ZNF326: variants seen among roughly 807,000 people sequenced by gnomAD.
The protein encoded by ZNF326 is zinc finger protein 326.
ZNF326 carries 30 observed loss-of-function variants against 63.1 expected under a neutral mutation model. That is an observed-to-expected ratio of 0.48 (90% CI 0.36 to 0.64). The LOEUF is 0.64. ZNF326 is among the 30% of genes least tolerant of loss of function. The pLI is 0.00. For synonymous variants in ZNF326, 194 were observed against 228.2 expected, an observed-to-expected ratio of 0.85 and a Z score of 1.35; for missense variants, 609 against 720.3, an observed-to-expected ratio of 0.85 and a Z score of 1.77.
At chr1:90,006,257 A>G (rs908327759) in intron 4 of ZNF326, 3 of 983,366 alleles carry the variant, frequency 3.1e-6, no homozygotes, top group African/African-American at 3.5e-5. Context: ...TATGGTTACT[A>G]GGATTCAGAA....
Position 90,029,842 on chromosome 1 carries a change from T to A in ZNF326, c.*2141T>A, listed in dbSNP as rs917058351. On this transcript the variant is annotated 3_prime_UTR_variant, in exon 12 of 12. Transcript: ENST00000340281. ...AAGTGTATTTTGTTACTGTGCTTAA[T>A]TCAGAAATTCAAATTCATGTATTTC... 1 of 152,210 alleles carries A rather than the reference T, an allele frequency of 6.6e-6. No homozygotes were observed. The highest frequency in any genetic ancestry group is 6.5e-5 in the Admixed American group (1 of 15,290). The allele number at this position is 152,210 out of a possible 1,614,324, so 9.4% of individuals were successfully genotyped here.
intron 6 of ZNF326, among the ~76,000 whole-genome samples, chr1:90,010,830 A>G (rs1649200247): frequency 6.6e-6 from 1 of 152,158 alleles, no homozygotes; most frequent in African/African-American, 2.4e-5. Flanking sequence ...AAAATTTGAA[A>G]AAGGTTTAAA....
chr1:90,019,317 C>T (rs190975039), intron 9 of ZNF326, among the ~76,000 whole-genome samples: 115 of 152,248 alleles, frequency 7.6e-4, no homozygotes, highest in African/African-American at 2.5e-3. Flanking sequence ...GCATAACCCA[C>T]ACTATTCTCT....
rs561686355 is a variant in ZNF326, at chr1:90,020,574, A to G, written c.1175-218A>G. On this transcript the variant is annotated intron_variant, in intron 9 of 11. Coordinates refer to ENST00000340281, the MANE Select transcript of ZNF326 (RefSeq NM_182976.4). ...TGGTTGTTTAACATGATTAGGAACTATAATGTAATTGTACCTTAATAATTT... is the reference window on the plus strand; with the variant it reads ...TGGTTGTTTAACATGATTAGGAACTGTAATGTAATTGTACCTTAATAATTT... Among the ~76,000 whole-genome samples the G allele has an allele frequency of 9.9e-5, 15 of 152,246 alleles. 1 individual carries two copies. The highest frequency in any genetic ancestry group is 3.6e-4 in the African/African-American group (15 of 41,580).
Position 90,027,426 on chromosome 1 carries a change from A to G in ZNF326, c.1474A>G (p.Lys492Glu), listed in dbSNP as rs1422635780. 1 of 1,614,002 alleles carries G rather than the reference A, an allele frequency of 6.2e-7. No individual in the cohort carries two copies. Among genetic ancestry groups the G allele is most frequent in the South Asian group, 1.1e-5 (1 of 91,066 alleles). Residue 492 changes from lysine to glutamate, a missense_variant, in exon 12 of 12, where the codon AAG (lysine) becomes GAG (glutamate). Around this residue, in one of 3 missense-constraint regions of ZNF326, gnomAD observed 399 missense variants for 444.3 expected, o/e 0.90. Coordinates refer to ENST00000340281, the MANE Select transcript of ZNF326 (RefSeq NM_182976.4). ...QIEGDEEDEE[K>E]IDEPIEEEED... ...AGAAGGAGATGAGGAGGATGAAGAG[A>G]AGATTGATGAACCTATTGAAGAAGA...
At chr1:90,001,097 A>G (rs938935253) in intron 2 of ZNF326, among the ~76,000 whole-genome samples, 5 of 152,144 alleles carry the variant, frequency 3.3e-5, no homozygotes, top group African/African-American at 1.2e-4. Context: ...TGTCCTGTGC[A>G]TTGTGGAACA....
At position 90,013,211 on chromosome 1, in the gene ZNF326, C is replaced by A; in HGVS notation, c.900C>A (p.Asn300Lys). Residue 300 changes from asparagine to lysine, a missense_variant, in exon 7 of 12, where the codon AAC becomes AAA. Around this residue, in one of 3 missense-constraint regions of ZNF326, gnomAD observed 399 missense variants for 444.3 expected, o/e 0.90. Transcript: ENST00000340281. Reference protein sequence around the residue: ...REKQRRRREKNSEKYGDGYRM... With the variant: ...REKQRRRREKKSEKYGDGYRM... ...AACAAAGGCGCAGAAGAGAAAAAAACAGTGAGAAATACGGAGATGGATACA... is the reference window on the plus strand; with the variant it reads ...AACAAAGGCGCAGAAGAGAAAAAAAAAGTGAGAAATACGGAGATGGATACA... 1 of 1,608,818 alleles carries A rather than the reference C, an allele frequency of 6.2e-7. No individual in the cohort carries two copies. The highest frequency in any genetic ancestry group is 8.5e-7 in the Non-Finnish European group (1 of 1,177,446).
Position 90,022,410 on chromosome 1 carries a change from T to C in ZNF326, c.1401+65T>C. The C allele has an allele frequency of 2.5e-6, 3 of 1,176,624 alleles. No individual in the cohort carries two copies. In the South Asian group the frequency reaches 3.9e-5, roughly 15 times the overall value. The allele number at this position is 1,176,624 out of a possible 1,614,324, so 72.9% of individuals were successfully genotyped here. On this transcript the variant is annotated intron_variant, in intron 11 of 11. Coordinates refer to ENST00000340281, the MANE Select transcript of ZNF326 (RefSeq NM_182976.4). ...GTATTGCAATAATTAACTGGTGACA[T>C]AGTAACCTTTTGTGATACTTGAATA... is the stretch of plus-strand genomic sequence containing the variant.
At position 90,028,283 on chromosome 1, in the gene ZNF326, T is replaced by G. The variant is rs1650116890; in HGVS notation, c.*582T>G. 6.6e-6 allele frequency: 1 copy of G among 152,400 alleles called. No individual in the cohort carries two copies. Among genetic ancestry groups the G allele is most frequent in the African/African-American group, 2.4e-5 (1 of 41,456 alleles). The allele number at this position is 152,400 out of a possible 1,614,324, so 9.4% of individuals were successfully genotyped here. On this transcript the variant is annotated 3_prime_UTR_variant, in exon 12 of 12. Coordinates refer to ENST00000340281, the MANE Select transcript of ZNF326 (RefSeq NM_182976.4). ...CAGAGTTCATCAATGAAATGAGTAT[T>G]TAAAATAAAAATTTGCCTTAATGTA...
At position 90,033,885 on chromosome 1, in the gene ZNF326, A is replaced by T. The variant is rs1192693211; in HGVS notation, c.*6184A>T. The T allele has an allele frequency of 6.6e-6, 1 of 152,016 alleles. No individual in the cohort carries two copies. The highest frequency in any genetic ancestry group is 1.5e-5 in the Non-Finnish European group (1 of 67,970). 9.4% of individuals were successfully genotyped at this position (152,016 alleles called of 1,614,324 possible). On this transcript the variant is annotated 3_prime_UTR_variant, in exon 12 of 12. Coordinates refer to ENST00000340281, the MANE Select transcript of ZNF326 (RefSeq NM_182976.4). ...TAAATATTTTTGAATGTATGTATGTATGTTACAGTATAAATATATAGAGGA... is the reference window on the plus strand; with the variant it reads ...TAAATATTTTTGAATGTATGTATGTTTGTTACAGTATAAATATATAGAGGA...
At chr1:90,006,055 A>G in intron 4 of ZNF326, 1 of 985,470 alleles carries the variant, frequency 1.0e-6, no homozygotes, top group Non-Finnish European at 1.2e-6. Flanking sequence ...TGAAACAGTC[A>G]TCCTTCTGCA....
intron 9 of ZNF326, among the ~76,000 whole-genome samples, chr1:90,019,764 CCTA>C (rs1649675728): frequency 6.6e-6 from 1 of 152,086 alleles, no homozygotes; most frequent in Non-Finnish European, 1.5e-5. Context: ...CATCTAACTG[CCTA>C]CTGACATCTC....
chr1:90,018,884 G>T, intron 9 of ZNF326, 100 bp downstream of exon 9: 1 of 586,744 alleles, frequency 1.7e-6, no homozygotes, highest in Non-Finnish European at 2.8e-6. Context: ...ATATAGTACA[G>T]TCATATATAC....
intron 5 of ZNF326, among the ~76,000 whole-genome samples, chr1:90,008,322 T>C (rs963779839): frequency 2.0e-5 from 3 of 152,224 alleles, no homozygotes; most frequent in Non-Finnish European, 4.4e-5. Flanking sequence ...GTAATTTTGC[T>C]AACTCACGCT....
At chr1:90,006,221 G>A (rs61771689) in intron 4 of ZNF326, 137 of 985,112 alleles carry the variant, frequency 1.4e-4, no homozygotes, top group Non-Finnish European at 1.6e-4. Context: ...TTTGAAAAAT[G>A]TAGTTGGAAA....
At chr1:90,015,682 A>G (rs1570311362) in intron 7 of ZNF326, among the ~76,000 whole-genome samples, 1 of 152,250 alleles carries the variant, frequency 6.6e-6, no homozygotes, top group African/African-American at 2.4e-5. Context: ...ACTCTGTCTC[A>G]AAAAATAAAT....
Position 89,995,175 on chromosome 1 carries a change from T to TG in ZNF326, c.-82dup. ...CGCTCTCGGTCGCGCGGAGTGATCG[T>TG]GTGGAATCGCGGGTCGCGGACGCTC... On this transcript the variant is annotated 5_prime_UTR_variant, in exon 1 of 12. Transcript: ENST00000340281. 6.8e-7 allele frequency: 1 copy of TG among 1,470,596 alleles called. No homozygotes were observed. The highest frequency in any genetic ancestry group is 2.7e-5 in the East Asian group (1 of 37,022). 91.1% of individuals were successfully genotyped at this position (1,470,596 alleles called of 1,614,324 possible).
At chr1:90,013,990 G>A (rs778405678) in intron 7 of ZNF326, among the ~76,000 whole-genome samples, 1 of 151,982 alleles carries the variant, frequency 6.6e-6, no homozygotes, top group Non-Finnish European at 1.5e-5. Flanking sequence ...GCGTGAACCC[G>A]GGAGTCGGAG....
rs1650429926 is a variant in ZNF326, at chr1:90,035,109, G to A, written c.*7408G>A. 1 of 152,146 alleles carries A rather than the reference G, an allele frequency of 6.6e-6. No individual in the cohort carries two copies. The highest frequency in any genetic ancestry group is 2.4e-5 in the African/African-American group (1 of 41,414). 9.4% of individuals were successfully genotyped at this position (152,146 alleles called of 1,614,324 possible). A position where few individuals can be genotyped will look rare whatever the true frequency, so the allele number is the denominator to read the frequency against. On this transcript the variant is annotated 3_prime_UTR_variant, in exon 12 of 12. Coordinates refer to ENST00000340281, the MANE Select transcript of ZNF326 (RefSeq NM_182976.4). ...ATAAAGCCTTTGTAACTTGGCTAAGGACTAGGAAGGTCTTCCAGAAAGCTT... is the reference window on the plus strand; with the variant it reads ...ATAAAGCCTTTGTAACTTGGCTAAGAACTAGGAAGGTCTTCCAGAAAGCTT...
Sources: gnomAD v4.1 joint callset for allele counts (sites outside exome capture counted in the v4.1 genomes callset) on GRCh38, gnomAD v4.1.1 for gene constraint, gnomAD v4.1.1 regional missense constraint, MANE v1.5 for transcripts, NCBI Gene and HGNC (gene_info 2026-07-23, HGNC 2026-07-21) for gene names.